Variants in SENP8 observed in about 807,000 individuals in gnomAD.
SENP8 encodes the protein SUMO peptidase family member, NEDD8 specific, also known as sentrin-specific protease 8.
In SENP8, 10 loss-of-function variants were observed where a neutral mutation model predicts 14.4. The ratio of observed to expected loss-of-function variants is 0.69; its 90% CI spans 0.43 to 1.18. The LOEUF (loss-of-function observed/expected upper bound fraction) is 1.18, where lower values mean the gene tolerates loss of function less well. SENP8 is among the 50% of genes most tolerant of loss of function. The pLI, the probability that SENP8 is intolerant of heterozygous loss-of-function variation, is 0.00. For missense variants in SENP8, 202 were observed against 249.4 expected (o/e 0.81, Z 1.28); for synonymous variants, 94 against 95.5 (o/e 0.98, Z 0.09).
At chr15:72,118,127 C>T (rs536754754), upstream of SENP8, 14 of 383,544 alleles carry the variant, frequency 3.7e-5, no homozygotes, top group Admixed American at 5.4e-4. Context: ...GACTCCCCGG[C>T]TGCAGGCGAG....
intron 1 of SENP8, among the ~76,000 whole-genome samples, chr15:72,127,637 A>G (rs2081233260): frequency 6.6e-6 from 1 of 152,084 alleles, no homozygotes; most frequent in Non-Finnish European, 1.5e-5. Flanking sequence ...GCTACTAGAG[A>G]CTCCTAAGCA....
chr15:72,118,249 G>C (rs2151301952), upstream of SENP8: 4 of 329,692 alleles, frequency 1.2e-5, no homozygotes, highest in East Asian at 1.9e-4. Context: ...CGCTTGCGCA[G>C]ACACGCCCCC....
chr15:72,122,251 G>C (rs2081174970), intron 1 of SENP8, among the ~76,000 whole-genome samples: 1 of 144,706 alleles, frequency 6.9e-6, no homozygotes, highest in Admixed American at 6.9e-5. Context: ...AGTACCCAAA[G>C]TATGTACTGT....
rs1427461924 is a variant in SENP8, at chr15:72,139,974, T to C, written c.351T>C (p.His117=). Residue 117 remains histidine, a synonymous_variant, in exon 2 of 2, where the codon CAT becomes CAC. Transcript: ENST00000340912. The part of the protein sequence containing the change: ...VYLQDKNSFF[H]YDSHSRSNSV... ...TCCAAGATAAAAATAGCTTTTTTCA[T>C]TATGATTCCCATAGCAGGAGCAACT... 6.2e-7 allele frequency: 1 copy of C among 1,614,102 alleles called. No homozygotes were observed. The highest frequency in any genetic ancestry group is 2.2e-5 in the East Asian group (1 of 44,904).
rs2081347021 is a variant in SENP8 at position 72,138,370 on chromosome 15, G to A, written c.-47-1207G>A. 2.2e-5 allele frequency among the ~76,000 whole-genome samples: 3 copies of A among 138,208 alleles called. No homozygotes were observed. The Admixed American group carries it at 2.2e-4, about 10-fold the overall frequency. The allele number at this position is 138,208 out of a possible 152,430, so 90.7% of individuals were successfully genotyped here. ...ATAACTTTTTTTTTTTTTTTTTTGA[G>A]ATGGAGTCTTGCTCTGTTGCCCAGG... On this transcript the variant is annotated intron_variant, in intron 1 of 1. Transcript: ENST00000340912.
chr15:72,114,614 G>C (rs376935902), upstream of SENP8: 1 of 152,082 alleles, frequency 6.6e-6, no homozygotes, highest in Non-Finnish European at 1.5e-5. Context: ...CTGTTTTTGT[G>C]GGGGGAAAAG....
chr15:72,142,223 T>C lies in SENP8; in HGVS notation c.*1961T>C, dbSNP rs1426399814. The C allele has an allele frequency of 1.3e-5, 2 of 152,206 alleles. No homozygotes were observed. The highest frequency in any genetic ancestry group is 2.9e-5 in the Non-Finnish European group (2 of 68,038). The allele number at this position is 152,206 out of a possible 1,614,324, so 9.4% of individuals were successfully genotyped here. ...TAAAAAATGCATTTTCCAAATGCAT[T>C]AGCCTGATTGGACTGTGCCACAGAT... On this transcript the variant is annotated 3_prime_UTR_variant, in exon 2 of 2. Transcript: ENST00000340912.
At chr15:72,137,157 A>T (rs1257709553) in intron 1 of SENP8, among the ~76,000 whole-genome samples, 1 of 151,636 alleles carries the variant, frequency 6.6e-6, no homozygotes, top group Non-Finnish European at 1.5e-5. Context: ...AACTTTTTAA[A>T]CTCTTTTAGT....
intron 1 of SENP8, among the ~76,000 whole-genome samples, chr15:72,129,983 T>C (rs78374203): frequency 1.3e-5 from 2 of 151,968 alleles, no homozygotes; most frequent in Non-Finnish European, 2.9e-5. Context: ...GTCAGGAGTT[T>C]GAGACCAGCC....
At chr15:72,138,049 T>G (rs1320768747) in intron 1 of SENP8, among the ~76,000 whole-genome samples, 1 of 152,224 alleles carries the variant, frequency 6.6e-6, no homozygotes, top group African/African-American at 2.4e-5. Context: ...TTAGATTCTT[T>G]GAATTCATCT....
upstream of SENP8, chr15:72,118,100 G>A (rs1045595732): frequency 5.1e-6 from 2 of 390,978 alleles, no homozygotes; most frequent in African/African-American, 2.1e-5. Context: ...CCCCGCGCAC[G>A]CGGCCCCGCC....
intron 1 of SENP8, 173 bp from the exon 2 acceptor site, chr15:72,139,404 C>A: frequency 1.9e-6 from 1 of 540,186 alleles, no homozygotes; most frequent in South Asian, 3.0e-5. Context: ...CTTGCTGTCT[C>A]AGGGGTGGCA....
chr15:72,117,504 T>G (rs1291836386), upstream of SENP8, among the ~76,000 whole-genome samples: 77 of 140,992 alleles, frequency 5.5e-4, no homozygotes, highest in African/African-American at 2.0e-3. Flanking sequence ...ATACAGGGGG[T>G]GGGGTCTACT....
intron 1 of SENP8, among the ~76,000 whole-genome samples, chr15:72,124,047 G>A (rs1472274599): frequency 6.6e-6 from 1 of 152,176 alleles, no homozygotes; most frequent in African/African-American, 2.4e-5. Flanking sequence ...GAGTTACCAA[G>A]CATCATCATC....
At chr15:72,124,066 T>C (rs192024207) in intron 1 of SENP8, among the ~76,000 whole-genome samples, 15 of 152,326 alleles carry the variant, frequency 9.8e-5, no homozygotes, top group African/African-American at 3.4e-4. Context: ...TCACACCAAG[T>C]AGGTTTTGTA....
chr15:72,119,353 C>T (rs1322038385), intron 1 of SENP8, among the ~76,000 whole-genome samples: 1 of 152,194 alleles, frequency 6.6e-6, no homozygotes. Context: ...TGCCAGGTGT[C>T]ATTACTGTTT....
chr15:72,137,580 T>C (rs997941811), intron 1 of SENP8, among the ~76,000 whole-genome samples: 1 of 152,186 alleles, frequency 6.6e-6, no homozygotes, highest in African/African-American at 2.4e-5. Context: ...GTCTCATGAT[T>C]CTCTGTTTTT....
At chr15:72,119,065 A>G (rs1436867398) in intron 1 of SENP8, among the ~76,000 whole-genome samples, 2 of 152,216 alleles carry the variant, frequency 1.3e-5, no homozygotes, top group African/African-American at 2.4e-5. Context: ...TGGAAACCGT[A>G]CTAGTGTAGA....
At chr15:72,123,655 C>T (rs2081187654) in intron 1 of SENP8, among the ~76,000 whole-genome samples, 1 of 152,060 alleles carries the variant, frequency 6.6e-6, no homozygotes, top group African/African-American at 2.4e-5. Context: ...ATTCTCCTGC[C>T]TCAGCCTCCC....
Sources: allele counts gnomAD v4.1 joint callset (sites outside exome capture counted in the v4.1 genomes callset), GRCh38; gene constraint gnomAD v4.1.1; transcripts MANE v1.5; gene names NCBI Gene and HGNC (gene_info 2026-07-23, HGNC 2026-07-21).